The following PARD3 variants were observed in gnomAD, a reference collection of about 807,000 sequenced individuals.
PARD3 encodes the protein partitioning defective 3 homolog.
In PARD3, 75 loss-of-function variants were observed where a neutral mutation model predicts 155.4. That is an observed-to-expected ratio of 0.48 (90% CI 0.40 to 0.58). The LOEUF is 0.58. PARD3 is among the 20% of genes least tolerant of loss of function. The pLI is 0.00. For synonymous variants in PARD3, 576 were observed against 610.5 expected, an observed-to-expected ratio of 0.94 and a Z score of 0.83; for missense variants, 1,642 against 1,721.7, an observed-to-expected ratio of 0.95 and a Z score of 0.82.
intron 22 of PARD3, among the ~76,000 whole-genome samples, chr10:34,245,591 A>AAAACG (rs1280240125): frequency 2.0e-5 from 3 of 151,834 alleles, no homozygotes; most frequent in Non-Finnish European, 4.4e-5. Flanking sequence ...AAAACAAAAC[A>AAAACG]AAACAAAACA....
chr10:34,373,237 A>G (rs1840876563), intron 11 of PARD3, among the ~76,000 whole-genome samples: 1 of 152,064 alleles, frequency 6.6e-6, no homozygotes, highest in Non-Finnish European at 1.5e-5. Context: ...CATGCATAAT[A>G]GACTGACGGC....
At chr10:34,193,604 A>T (rs548895752) in intron 22 of PARD3, among the ~76,000 whole-genome samples, 15 of 152,382 alleles carry the variant, frequency 9.8e-5, no homozygotes, top group African/African-American at 3.6e-4. Flanking sequence ...ATATTTGATC[A>T]ATTCTGCTCT....
At chr10:34,153,749 A>G (rs1274997661) in intron 22 of PARD3, among the ~76,000 whole-genome samples, 1 of 152,122 alleles carries the variant, frequency 6.6e-6, no homozygotes, top group Non-Finnish European at 1.5e-5. Flanking sequence ...CAAAACACCA[A>G]AGTGAACCTC....
intron 12 of PARD3, among the ~76,000 whole-genome samples, chr10:34,368,938 A>T (rs1047373949): frequency 1.3e-5 from 2 of 151,510 alleles, no homozygotes; most frequent in Non-Finnish European, 2.9e-5. Flanking sequence ...TTGTTTATTT[A>T]AAAAAAATTC....
intron 3 of PARD3, among the ~76,000 whole-genome samples, chr10:34,485,636 C>A (rs1411411117): frequency 6.6e-6 from 1 of 152,112 alleles, no homozygotes; most frequent in Non-Finnish European, 1.5e-5. Flanking sequence ...AAAGGAGTAT[C>A]TGGGTTAATA....
At chr10:34,568,027 C>A (rs1371515469) in intron 2 of PARD3, among the ~76,000 whole-genome samples, 1 of 152,172 alleles carries the variant, frequency 6.6e-6, no homozygotes, top group Non-Finnish European at 1.5e-5. Flanking sequence ...AACTGTCTTC[C>A]ATTCACTAGG....
rs992533634 is a variant in PARD3 at position 34,110,461 on chromosome 10, C to A, written c.*708G>T. 1.3e-5 allele frequency: 2 copies of A among 152,202 alleles called. No homozygotes were observed. Among genetic ancestry groups the A allele is most frequent in the African/African-American group, 2.4e-5 (1 of 41,442 alleles). The allele number at this position is 152,202 out of a possible 1,614,324, so 9.4% of individuals were successfully genotyped here. A position where few individuals can be genotyped will look rare whatever the true frequency, so the allele number is the denominator to read the frequency against. The stretch of plus-strand genomic sequence containing the variant: ...CCCACACAGAGCTGTGGTGACTCAA[C>A]CCACGTGTCAGGAACAGGACCGAAC... On this transcript the variant is annotated 3_prime_UTR_variant, in exon 25 of 25. Coordinates refer to ENST00000374788, the MANE Select transcript of PARD3 (RefSeq NM_001184785.2).
chr10:34,321,668 A>G (rs552379277), intron 19 of PARD3, among the ~76,000 whole-genome samples: 3 of 152,240 alleles, frequency 2.0e-5, no homozygotes, highest in Non-Finnish European at 2.9e-5. Flanking sequence ...CAATTAAGAC[A>G]TACCTAATTA....
intron 1 of PARD3, among the ~76,000 whole-genome samples, chr10:34,775,573 T>G (rs997628621): frequency 1.4e-4 from 22 of 152,246 alleles, no homozygotes; most frequent in Admixed American, 5.9e-4. Flanking sequence ...GCAAGCAGAA[T>G]GCAAGGCTGC....
rs59606413 is a variant in PARD3, at chr10:34,565,260, C to CTTTTTTTTTTTTTTTT, written c.223-48117_223-48102dup. Among the ~76,000 whole-genome samples the CTTTTTTTTTTTTTTTT allele has an allele frequency of 3.5e-4, 14 of 39,668 alleles. 3 individuals are homozygous for CTTTTTTTTTTTTTTTT. The highest frequency in any genetic ancestry group is 1.5e-3 in the African/African-American group (14 of 9,062). 26.0% of individuals were successfully genotyped at this position (39,668 alleles called of 152,430 possible). A position where few individuals can be genotyped will look rare whatever the true frequency, so the allele number is the denominator to read the frequency against. On this transcript the variant is annotated intron_variant, in intron 2 of 24. Transcript: ENST00000374788. ...TCAGATAAAAGACAAAGGAGCAAGG[C>CTTTTTTTTTTTTTTTT]TTTTTTTTTTTTTTTTTTTTTTTTT...
chr10:34,600,795 T>G (rs981275635), intron 2 of PARD3, among the ~76,000 whole-genome samples: 1 of 151,938 alleles, frequency 6.6e-6, no homozygotes, highest in Non-Finnish European at 1.5e-5. Flanking sequence ...TGTTTTTGTT[T>G]TAATATTTTG....
At chr10:34,287,350 A>C (rs1190147654) in intron 20 of PARD3, among the ~76,000 whole-genome samples, 1 of 152,006 alleles carries the variant, frequency 6.6e-6, no homozygotes, top group Non-Finnish European at 1.5e-5. Context: ...TGCCATGTTG[A>C]CTTACTGATT....
intron 22 of PARD3, among the ~76,000 whole-genome samples, chr10:34,137,498 G>A (rs569971271): frequency 2.8e-4 from 42 of 152,280 alleles, no homozygotes; most frequent in African/African-American, 9.1e-4. Flanking sequence ...CCACAGACAC[G>A]GTGATATAAT....
intron 2 of PARD3, among the ~76,000 whole-genome samples, chr10:34,555,405 T>C (rs1188478076): frequency 6.6e-6 from 1 of 152,212 alleles, no homozygotes; most frequent in Admixed American, 6.5e-5. Flanking sequence ...GAAGTTTTTC[T>C]TCTGTTTTGG....
intron 1 of PARD3, among the ~76,000 whole-genome samples, chr10:34,730,392 C>T (rs2094795424): frequency 6.6e-6 from 1 of 152,070 alleles, no homozygotes; most frequent in African/African-American, 2.4e-5. Flanking sequence ...CTGCACTGTA[C>T]AGCTATAAAT....
intron 22 of PARD3, among the ~76,000 whole-genome samples, chr10:34,189,409 G>A (rs1217661023): frequency 2.6e-5 from 4 of 152,188 alleles, no homozygotes; most frequent in African/African-American, 9.6e-5. Context: ...TGTTGGTGGT[G>A]CAAACGCCAT....
Position 34,205,907 on chromosome 10 carries a change from C to T in PARD3, c.3419+63750G>A, listed in dbSNP as rs115657115. Among the ~76,000 whole-genome samples the T allele has an allele frequency of 7.6e-3, 1,151 of 152,312 alleles. 26 individuals carry two copies. The highest frequency in any genetic ancestry group is 0.027 in the African/African-American group (1,109 of 41,558). Reference sequence around the variant, plus strand: ...CCTGGGGCTGCGCATCTGATGGCTGCTGCCACTAAACTACAGCACTTCATG... The same window carrying T: ...CCTGGGGCTGCGCATCTGATGGCTGTTGCCACTAAACTACAGCACTTCATG... On this transcript the variant is annotated intron_variant, in intron 22 of 24. Transcript: ENST00000374788.
chr10:34,682,198 G>T (rs1015389556), intron 2 of PARD3, among the ~76,000 whole-genome samples: 1 of 152,054 alleles, frequency 6.6e-6, no homozygotes, highest in Non-Finnish European at 1.5e-5. Flanking sequence ...TTGAAAAGAA[G>T]TATCTCTTGA....
chr10:34,129,515 A>C (rs970577670), intron 23 of PARD3, among the ~76,000 whole-genome samples: 1 of 152,174 alleles, frequency 6.6e-6, no homozygotes, highest in South Asian at 2.1e-4. Context: ...GAGCCAGGCC[A>C]CCTGGCTACT....
Sources: gnomAD v4.1 joint callset for allele counts (sites outside exome capture counted in the v4.1 genomes callset) on GRCh38, gnomAD v4.1.1 for gene constraint, MANE v1.5 for transcripts, NCBI Gene and HGNC (gene_info 2026-07-23, HGNC 2026-07-21) for gene names.